VPS13B: variants seen among roughly 807,000 people sequenced by gnomAD.
VPS13B encodes vacuolar protein sorting 13 homolog B.
Under a neutral mutation model 426.4 loss-of-function variants are expected in VPS13B, and 285 were observed. The observed-to-expected ratio is 0.67, with a 90% CI of 0.61 to 0.74. The LOEUF (loss-of-function observed/expected upper bound fraction) is 0.74. Ranked by LOEUF, VPS13B falls within the 30% of genes least tolerant of loss-of-function variation. The probability of loss-of-function intolerance (pLI) is 0.00; values close to 1 mark genes in which losing one functional copy is unlikely to be tolerated. For synonymous variants in VPS13B, 1,676 were observed against 1,676.4 expected (o/e 1.00, Z 0.01); for missense variants, 4,537 against 4,782.6 (o/e 0.95, Z 1.51).
intron 54 of VPS13B, among the ~76,000 whole-genome samples, chr8:99,843,026 G>A (rs1025463210): frequency 1.3e-5 from 2 of 151,970 alleles, no homozygotes; most frequent in South Asian, 2.1e-4. Context: ...GGTGGCAAAC[G>A]CCTGTAATCC....
intron 43 of VPS13B, among the ~76,000 whole-genome samples, chr8:99,785,352 C>A (rs983362426): frequency 6.6e-6 from 1 of 152,120 alleles, no homozygotes; most frequent in African/African-American, 2.4e-5. Context: ...CATCAGAATA[C>A]ATTATACCCC....
At chr8:99,067,165 A>G (rs1440670211) in intron 3 of VPS13B, among the ~76,000 whole-genome samples, 3 of 152,202 alleles carry the variant, frequency 2.0e-5, no homozygotes, top group Non-Finnish European at 4.4e-5. Flanking sequence ...AAGAATATAA[A>G]TCATGCTGCT....
chr8:99,791,567 T>TACAAACAG (rs1812536166), intron 43 of VPS13B, among the ~76,000 whole-genome samples: 1 of 152,022 alleles, frequency 6.6e-6, no homozygotes, highest in South Asian at 2.1e-4. Flanking sequence ...AGATTGAGAA[T>TACAAACAG]ACAAACAGAG....
chr8:99,692,676 C>G (rs1389889206), intron 35 of VPS13B, among the ~76,000 whole-genome samples: 1 of 134,746 alleles, frequency 7.4e-6, no homozygotes, highest in South Asian at 2.3e-4. Context: ...TAGCAGAAGG[C>G]AAGAAATAAC....
In VPS13B at chr8:99,268,213, T is replaced by C. The variant is rs140145166; in HGVS notation, c.2516-5985T>C. Reference sequence around the variant, plus strand: ...GCAGAGCCCTCATGGAGAACCTCTGTTAGGGCAGTGTGGAAGGGAAATGTG... The same window carrying C: ...GCAGAGCCCTCATGGAGAACCTCTGCTAGGGCAGTGTGGAAGGGAAATGTG... On this transcript the variant is annotated intron_variant, in intron 17 of 61. Coordinates refer to ENST00000357162, the MANE Select transcript of VPS13B (RefSeq NM_152564.5). Among the ~76,000 whole-genome samples the C allele has an allele frequency of 4.2e-3, 639 of 152,300 alleles. 5 individuals are homozygous for C. The highest frequency in any genetic ancestry group is 0.015 in the African/African-American group (613 of 41,558).
At chr8:99,790,090 AAG>A (rs1812467628) in intron 43 of VPS13B, among the ~76,000 whole-genome samples, 1 of 152,138 alleles carries the variant, frequency 6.6e-6, no homozygotes, top group African/African-American at 2.4e-5. Context: ...ATGATATATC[AAG>A]AGTGATTATC....
intron 5 of VPS13B, among the ~76,000 whole-genome samples, chr8:99,104,660 G>T (rs988180275): frequency 1.4e-5 from 2 of 144,722 alleles, no homozygotes; most frequent in African/African-American, 5.2e-5. Flanking sequence ...GTCTCATTCT[G>T]TTGCCCAGGC....
chr8:99,044,084 C>CTTTTTTTTTTTTTTTTTTT (rs5893476), intron 3 of VPS13B, among the ~76,000 whole-genome samples: 1 of 98,932 alleles, frequency 1.0e-5, no homozygotes, highest in Non-Finnish European at 1.9e-5. Context: ...TTCTTTCTTT[C>CTTTTTTTTTTTTTTTTTTT]TTTTTTTTTT....
intron 16 of VPS13B, among the ~76,000 whole-genome samples, chr8:99,188,760 C>T (rs1813371034): frequency 6.6e-6 from 1 of 152,094 alleles, no homozygotes; most frequent in South Asian, 2.1e-4. Flanking sequence ...AAATTACATC[C>T]CTTCTGATGG....
intron 56 of VPS13B, among the ~76,000 whole-genome samples, chr8:99,857,251 C>T (rs6986006): frequency 0.12 from 17,910 of 152,152 alleles, 1,109 homozygotes; most frequent in Non-Finnish European, 0.13. Flanking sequence ...AGCAAGAGGC[C>T]GAGGCGGATT....
At chr8:99,137,577 C>T (rs779531239) in intron 12 of VPS13B, among the ~76,000 whole-genome samples, 2 of 150,748 alleles carry the variant, frequency 1.3e-5, no homozygotes, top group East Asian at 1.9e-4. Context: ...ATTGAAACTT[C>T]GCAGAGTTGA....
chr8:99,069,299 T>C (rs576595772), intron 3 of VPS13B, among the ~76,000 whole-genome samples: 1 of 152,200 alleles, frequency 6.6e-6, no homozygotes, highest in South Asian at 2.1e-4. Flanking sequence ...CTGGACTTGG[T>C]GGCACAAGCC....
intron 34 of VPS13B, among the ~76,000 whole-genome samples, chr8:99,652,582 G>A (rs1311930978): frequency 1.3e-5 from 2 of 151,848 alleles, no homozygotes; most frequent in African/African-American, 4.8e-5. Flanking sequence ...GAATAGGACT[G>A]TAGAAATGTG....
At chr8:99,559,688 G>C (rs990681035) in intron 31 of VPS13B, among the ~76,000 whole-genome samples, 3 of 152,052 alleles carry the variant, frequency 2.0e-5, no homozygotes, top group Admixed American at 1.3e-4. Flanking sequence ...GCTTGTTTTT[G>C]TCAGGTTTGT....
chr8:99,314,703 G>A (rs1821210487), intron 19 of VPS13B, among the ~76,000 whole-genome samples: 1 of 150,504 alleles, frequency 6.6e-6, no homozygotes, highest in Non-Finnish European at 1.5e-5. Flanking sequence ...CTCCTGCCTT[G>A]GCCTCCGTAA....
At chr8:99,365,736 C>T (rs1302807109) in intron 19 of VPS13B, among the ~76,000 whole-genome samples, 4 of 151,704 alleles carry the variant, frequency 2.6e-5, no homozygotes, top group African/African-American at 9.7e-5. Context: ...AGGCTGGTCT[C>T]GAAATCCTGA....
chr8:99,464,902 GA>G (rs1186076450), intron 23 of VPS13B, among the ~76,000 whole-genome samples: 3 of 152,040 alleles, frequency 2.0e-5, no homozygotes. Flanking sequence ...TGATAATATA[GA>G]GGGGTAACAA....
chr8:99,313,939 G>A (rs1212142556), intron 19 of VPS13B, among the ~76,000 whole-genome samples: 1 of 152,082 alleles, frequency 6.6e-6, no homozygotes, highest in Non-Finnish European at 1.5e-5. Flanking sequence ...CAATGAGTGA[G>A]GCTTCGTGGG....
intron 20 of VPS13B, among the ~76,000 whole-genome samples, chr8:99,390,275 T>C (rs916804393): frequency 2.0e-5 from 3 of 151,996 alleles, no homozygotes; most frequent in Non-Finnish European, 2.9e-5. Flanking sequence ...TTTTTTGTTT[T>C]TGTATTTTTA....
Sources: gnomAD v4.1 joint callset for allele counts (sites outside exome capture counted in the v4.1 genomes callset) on GRCh38, gnomAD v4.1.1 for gene constraint, MANE v1.5 for transcripts, NCBI Gene and HGNC (gene_info 2026-07-23, HGNC 2026-07-21) for gene names.